Variants in CDH8 observed in about 807,000 individuals in gnomAD.
The protein encoded by CDH8 is cadherin-8.
A neutral mutation model predicts 68.1 loss-of-function variants in CDH8; 17 were observed. That is an observed-to-expected ratio of 0.25 (90% CI 0.17 to 0.37). The LOEUF (loss-of-function observed/expected upper bound fraction) is 0.37. CDH8 is among the 10% of genes least tolerant of loss of function. The pLI, the probability that CDH8 is intolerant of heterozygous loss-of-function variation, is 1.00. For synonymous variants in CDH8, 372 were observed against 365.1 expected, an observed-to-expected ratio of 1.02 and a Z score of -0.21; for missense variants, 763 against 999.3, an observed-to-expected ratio of 0.76 and a Z score of 3.19.
At chr16:61,815,241 A>G (rs1962045445) in intron 7 of CDH8, among the ~76,000 whole-genome samples, 1 of 152,188 alleles carries the variant, frequency 6.6e-6, no homozygotes, top group African/African-American at 2.4e-5. Context: ...ATTTCTAAAC[A>G]GCCTCAAGCT....
chr16:61,912,294 T>C (rs1320680443), intron 2 of CDH8, among the ~76,000 whole-genome samples: 1 of 152,088 alleles, frequency 6.6e-6, no homozygotes, highest in Non-Finnish European at 1.5e-5. Context: ...CAATGGCACA[T>C]CATGTTTTTT....
At chr16:61,848,134 A>G (rs1962851486) in intron 4 of CDH8, among the ~76,000 whole-genome samples, 1 of 152,114 alleles carries the variant, frequency 6.6e-6, no homozygotes, top group Admixed American at 6.6e-5. Context: ...TATACAATTT[A>G]ATTCTGAAGG....
chr16:61,896,538 G>C (rs1963871202), intron 3 of CDH8, among the ~76,000 whole-genome samples: 1 of 152,206 alleles, frequency 6.6e-6, no homozygotes, highest in African/African-American at 2.4e-5. Flanking sequence ...GAAGAGACAG[G>C]CTAAGGAAGA....
At chr16:61,931,041 A>T (rs530463074) in intron 2 of CDH8, among the ~76,000 whole-genome samples, 1 of 152,382 alleles carries the variant, frequency 6.6e-6, no homozygotes, top group Non-Finnish European at 1.5e-5. Flanking sequence ...TGTCAAAGAC[A>T]GTACTTACTG....
chr16:61,867,974 C>G (rs1963286950), intron 3 of CDH8, among the ~76,000 whole-genome samples: 1 of 152,100 alleles, frequency 6.6e-6, no homozygotes, highest in Non-Finnish European at 1.5e-5. Context: ...CAGAATTAAC[C>G]CATTCCTTGA....
intron 8 of CDH8, among the ~76,000 whole-genome samples, chr16:61,740,586 A>T (rs909483950): frequency 6.6e-6 from 1 of 152,122 alleles, no homozygotes; most frequent in African/African-American, 2.4e-5. Flanking sequence ...GATAACCTCT[A>T]CTTGGTTTAA....
intron 7 of CDH8, among the ~76,000 whole-genome samples, chr16:61,792,192 G>T (rs1343953059): frequency 1.3e-5 from 2 of 151,924 alleles, no homozygotes; most frequent in African/African-American, 4.8e-5. Flanking sequence ...ATTTTTTAAA[G>T]TTCCAGATCA....
At chr16:62,007,963 A>AT (rs1452833574) in intron 2 of CDH8, among the ~76,000 whole-genome samples, 4 of 151,264 alleles carry the variant, frequency 2.6e-5, no homozygotes, top group Admixed American at 6.6e-5. Flanking sequence ...TATTATTATT[A>AT]TTTTTTTGAG....
intron 7 of CDH8, among the ~76,000 whole-genome samples, chr16:61,800,272 C>T (rs924944303): frequency 6.6e-6 from 1 of 152,168 alleles, no homozygotes; most frequent in South Asian, 2.1e-4. Flanking sequence ...ACCAAAAATG[C>T]TCATTCCTAA....
At chr16:61,781,215 G>A (rs1961043028) in intron 8 of CDH8, among the ~76,000 whole-genome samples, 1 of 152,172 alleles carries the variant, frequency 6.6e-6, no homozygotes, top group Admixed American at 6.5e-5. Context: ...GTCCTGAAAT[G>A]TTTCTTAAGC....
At chr16:61,874,368 A>G (rs911931096) in intron 3 of CDH8, among the ~76,000 whole-genome samples, 58 of 151,826 alleles carry the variant, frequency 3.8e-4, no homozygotes, top group African/African-American at 1.3e-3. Flanking sequence ...GTCTCGCTCT[A>G]TCACCCAGGT....
Position 61,647,469 on chromosome 16 carries a change from TGG to T in CDH8, c.*6137_*6138del, listed in dbSNP as rs72539033. On this transcript the variant is annotated 3_prime_UTR_variant, in exon 12 of 12. Coordinates refer to ENST00000577390, the MANE Select transcript of CDH8 (RefSeq NM_001796.5). ...TTAAAGCAGAGTAACGTTGGAAAGG[TGG>T]GGGGGGTGATCCCAGTGACTCCTAA... The T allele has an allele frequency of 6.7e-5, 15 of 222,862 alleles. No individual in the cohort carries two copies. Among genetic ancestry groups the T allele is most frequent in the African/African-American group, 1.2e-4 (5 of 43,452 alleles). 13.8% of individuals were successfully genotyped at this position (222,862 alleles called of 1,614,324 possible). A position where few individuals can be genotyped will look rare whatever the true frequency, so the allele number is the denominator to read the frequency against.
chr16:61,990,638 C>T, intron 2 of CDH8, among the ~76,000 whole-genome samples: 1 of 151,834 alleles, frequency 6.6e-6, no homozygotes, highest in East Asian at 1.9e-4. Flanking sequence ...ATAGCAAGAC[C>T]CTGTGTCTAC....
chr16:61,979,494 A>C (rs1965495269), intron 2 of CDH8, among the ~76,000 whole-genome samples: 1 of 152,210 alleles, frequency 6.6e-6, no homozygotes, highest in South Asian at 2.1e-4. Context: ...TCTTGATCTT[A>C]CTGGGCCAGG....
intron 8 of CDH8, among the ~76,000 whole-genome samples, chr16:61,789,126 A>G (rs942015338): frequency 3.3e-5 from 5 of 152,098 alleles, no homozygotes; most frequent in Admixed American, 1.3e-4. Context: ...TAATGGATAT[A>G]AGAATGTTTC....
At chr16:61,807,361 T>C (rs1364418933) in intron 7 of CDH8, among the ~76,000 whole-genome samples, 8 of 147,626 alleles carry the variant, frequency 5.4e-5, no homozygotes, top group East Asian at 2.1e-4. Flanking sequence ...TTGGGAGATA[T>C]ACCTAATGCT....
chr16:61,652,889 A>G lies in CDH8; in HGVS notation c.*719T>C. 1 of 1,526,138 alleles carries G rather than the reference A, an allele frequency of 6.6e-7. No individual in the cohort carries two copies. Among genetic ancestry groups the G allele is most frequent in the South Asian group, 1.2e-5 (1 of 81,544 alleles). The allele number at this position is 1,526,138 out of a possible 1,614,324, so 94.5% of individuals were successfully genotyped here. On this transcript the variant is annotated 3_prime_UTR_variant, in exon 12 of 12. Coordinates refer to ENST00000577390, the MANE Select transcript of CDH8 (RefSeq NM_001796.5). ...AGAAGATGAAGAGGAGGGAACGAGG[A>G]ATCCTGCTTCTAGAAAACAAGCATG...
chr16:61,723,958 TAAAAC>T (rs1959267738), intron 9 of CDH8, among the ~76,000 whole-genome samples: 1 of 150,470 alleles, frequency 6.6e-6, no homozygotes, highest in Admixed American at 6.7e-5. Flanking sequence ...TCTTTTGACT[TAAAAC>T]AAATTACCTG....
Position 62,013,723 on chromosome 16 carries a change from C to T in CDH8, c.252+7429G>A, listed in dbSNP as rs151046311. ...AATGAGTCACTTTCCAGTCATGTAG[C>T]ATTTATATTTGCCCAATGCTTCCCT... On this transcript the variant is annotated intron_variant, in intron 2 of 11. Coordinates refer to ENST00000577390, the MANE Select transcript of CDH8 (RefSeq NM_001796.5). 3.7e-4 allele frequency among the ~76,000 whole-genome samples: 57 copies of T among 152,244 alleles called. 1 individual carries two copies. The East Asian group carries it at 9.7e-3, about 26-fold the overall frequency.
Sources: allele counts gnomAD v4.1 joint callset (sites outside exome capture counted in the v4.1 genomes callset), GRCh38; gene constraint gnomAD v4.1.1; transcripts MANE v1.5; gene names NCBI Gene and HGNC (gene_info 2026-07-23, HGNC 2026-07-21).